GPR19: variants seen among roughly 807,000 people sequenced by gnomAD.
GPR19 encodes G protein-coupled receptor 19.
A neutral mutation model predicts 28.5 loss-of-function variants in GPR19; 14 were observed. The ratio of observed to expected loss-of-function variants is 0.49; its 90% confidence interval spans 0.32 to 0.77. The LOEUF (loss-of-function observed/expected upper bound fraction) is 0.77, where lower values mean the gene tolerates loss of function less well. Ranked by LOEUF, GPR19 falls within the 30% of genes least tolerant of loss-of-function variation. The probability of loss-of-function intolerance (pLI) is 0.03; values close to 1 mark genes in which losing one functional copy is unlikely to be tolerated. For synonymous variants in GPR19, 173 were observed against 184.1 expected, an observed-to-expected ratio of 0.94 and a Z score of 0.49; for missense variants, 409 against 504.1, an observed-to-expected ratio of 0.81 and a Z score of 1.81.
chr12:12,693,306 T>G (rs1054177261), intron 2 of GPR19, among the ~76,000 whole-genome samples: 3 of 152,206 alleles, frequency 2.0e-5, no homozygotes, highest in Non-Finnish European at 4.4e-5. Flanking sequence ...CTGCTGCACA[T>G]GCATTCCCAT....
the GPR19 span, chr12:12,716,880 C>A: frequency 2.0e-6 from 2 of 984,614 alleles, no homozygotes; most frequent in Non-Finnish European, 2.4e-6. Context: ...CGCGGCCTCC[C>A]CCGCAGACCA....
upstream of GPR19, among the ~76,000 whole-genome samples, chr12:12,697,174 AAAAG>A: frequency 6.7e-6 from 1 of 150,256 alleles, no homozygotes; most frequent in African/African-American, 2.4e-5. Context: ...AAAAAAAAAA[AAAAG>A]CAGCCATGCA....
intron 3 of GPR19, among the ~76,000 whole-genome samples, chr12:12,677,935 G>T (rs957077521): frequency 6.6e-6 from 1 of 151,794 alleles, no homozygotes; most frequent in South Asian, 2.1e-4. Flanking sequence ...TTAGCTGGGC[G>T]TGGTGGTGGG....
At chr12:12,664,146 T>C (rs1019391566) in intron 3 of GPR19, among the ~76,000 whole-genome samples, 6 of 152,104 alleles carry the variant, frequency 3.9e-5, no homozygotes, top group Non-Finnish European at 8.8e-5. Flanking sequence ...CGTGCCACCA[T>C]GCCTGGCTAA....
chr12:12,717,165 C>G, the GPR19 span: 4 of 1,036,830 alleles, frequency 3.9e-6, no homozygotes, highest in African/African-American at 6.7e-5. Flanking sequence ...TTGTTGGCAG[C>G]AGTACCCCTC....
At chr12:12,716,682 C>T in the GPR19 span, 11 of 834,914 alleles carry the variant, frequency 1.3e-5, no homozygotes, top group Admixed American at 3.7e-4. Context: ...ATGATAAGTG[C>T]CGCGTCTACT....
intron 3 of GPR19, among the ~76,000 whole-genome samples, chr12:12,662,869 A>G (rs577852707): frequency 1.3e-5 from 2 of 152,376 alleles, no homozygotes; most frequent in Admixed American, 1.3e-4. Flanking sequence ...AGTATGTGAG[A>G]AGTTCCTAAT....
chr12:12,694,556 C>T (rs1946235685), intron 2 of GPR19, among the ~76,000 whole-genome samples: 2 of 152,088 alleles, frequency 1.3e-5, no homozygotes, highest in Non-Finnish European at 2.9e-5. Flanking sequence ...ACCTACGATG[C>T]ACAGAGCATC....
chr12:12,688,990 A>G (rs979510996), intron 2 of GPR19: 3 of 152,258 alleles, frequency 2.0e-5, no homozygotes, highest in Non-Finnish European at 2.9e-5. Flanking sequence ...AAGAGGTTTA[A>G]TTGTACACAT....
intron 2 of GPR19, among the ~76,000 whole-genome samples, chr12:12,687,441 C>A (rs1054035392): frequency 2.0e-5 from 3 of 152,208 alleles, no homozygotes; most frequent in Admixed American, 6.5e-5. Context: ...GAACTAATTT[C>A]TAGATCCTCA....
intron 3 of GPR19, among the ~76,000 whole-genome samples, chr12:12,662,792 G>A (rs9804955): frequency 0.024 from 3,593 of 152,296 alleles, 72 homozygotes; most frequent in Non-Finnish European, 0.035. Flanking sequence ...CAGAATATTA[G>A]GGATCTCAAA....
chr12:12,661,524 A>G lies in GPR19; in HGVS notation c.925T>C (p.Ser309Pro). 6.2e-7 allele frequency: 1 copy of G among 1,613,608 alleles called. No homozygotes were observed. The highest frequency in any genetic ancestry group is 8.5e-7 in the Non-Finnish European group (1 of 1,179,524). The change falls in exon 4 of 4, where the codon TCC (serine) becomes CCC (proline). Residue 309 changes from serine (S) to proline (P), a missense_variant. Coordinates refer to ENST00000651487, the MANE Select transcript of GPR19 (RefSeq NM_006143.3). The surrounding 1 kb of genome is among the most constrained non-coding windows in gnomAD (Gnocchi z 4.2). ...HPHEQDYKKSSLVFTAITWIS... is the reference protein window; with the variant it reads ...HPHEQDYKKSPLVFTAITWIS... ...CATGTGATAGCTGTGAAAACAAGGG[A>G]ACTTTTCTTATAGTCTTGTTCATGG...
intron 3 of GPR19, among the ~76,000 whole-genome samples, chr12:12,674,014 C>T (rs1317626622): frequency 1.3e-5 from 2 of 152,046 alleles, no homozygotes; most frequent in Admixed American, 6.6e-5. Context: ...GAGTTCGAGA[C>T]CAGCCTGGCC....
chr12:12,677,255 G>A (rs1945945512), intron 3 of GPR19, among the ~76,000 whole-genome samples: 1 of 146,986 alleles, frequency 6.8e-6, no homozygotes, highest in African/African-American at 2.5e-5. Flanking sequence ...CTCCCAGGCT[G>A]GAGTGCAGTA....
chr12:12,707,846 A>G, the GPR19 span, among the ~76,000 whole-genome samples: 1 of 149,030 alleles, frequency 6.7e-6, no homozygotes, highest in Non-Finnish European at 1.5e-5. Flanking sequence ...GGCCTCTCGA[A>G]GTGCTGGCAT....
chr12:12,697,554 T>TATAAA (rs1352112469), upstream of GPR19, among the ~76,000 whole-genome samples: 1 of 152,218 alleles, frequency 6.6e-6, no homozygotes, highest in Non-Finnish European at 1.5e-5. Flanking sequence ...GCAATTTTAT[T>TATAAA]GGACTCTGTT....
intron 3 of GPR19, among the ~76,000 whole-genome samples, chr12:12,678,479 G>A (rs1012532456): frequency 7.2e-5 from 11 of 152,128 alleles, no homozygotes; most frequent in Non-Finnish European, 1.3e-4. Flanking sequence ...CCAGAGAAAG[G>A]TAATAAGAGA....
chr12:12,691,450 C>T (rs1946180061), intron 2 of GPR19, among the ~76,000 whole-genome samples: 1 of 152,140 alleles, frequency 6.6e-6, no homozygotes, highest in Non-Finnish European at 1.5e-5. Context: ...AGTTTCTCTG[C>T]CTTGTCCTCT....
upstream of GPR19, among the ~76,000 whole-genome samples, chr12:12,697,279 C>G (rs574691555): frequency 2.3e-4 from 34 of 150,138 alleles, no homozygotes; most frequent in East Asian, 6.1e-3. Context: ...AAGAGCTCTT[C>G]AAAGTCAGTT....
Sources: allele counts gnomAD v4.1 joint callset (sites outside exome capture counted in the v4.1 genomes callset), GRCh38; gene constraint gnomAD v4.1.1; non-coding constraint Gnocchi (gnomAD v3.1); transcripts MANE v1.5; gene names NCBI Gene and HGNC (gene_info 2026-07-23, HGNC 2026-07-21).